The following FGFRL1 variants were observed in gnomAD, a reference collection of about 807,000 sequenced individuals.
The protein encoded by FGFRL1 is fibroblast growth factor receptor like 1, also known as fibroblast growth factor receptor-like 1.
FGFRL1 carries 24 observed loss-of-function variants against 36.8 expected under a neutral mutation model. That is an observed-to-expected ratio of 0.65 (90% CI 0.47 to 0.92). The LOEUF (loss-of-function observed/expected upper bound fraction) is 0.92. Ranked by LOEUF, FGFRL1 falls within the 40% of genes least tolerant of loss-of-function variation. FGFRL1 has a pLI of 0.00. For synonymous variants in FGFRL1, 422 were observed against 344.1 expected, an observed-to-expected ratio of 1.23 and a Z score of -2.50; for missense variants, 785 against 753.4, an observed-to-expected ratio of 1.04 and a Z score of -0.49.
Position 1,024,068 on chromosome 4 carries a change from G to T in FGFRL1, c.685G>T (p.Ala229Ser), listed in dbSNP as rs1429377807. The T allele has an allele frequency of 2.5e-6, 4 of 1,599,756 alleles. No individual in the cohort carries two copies. In the East Asian group the frequency reaches 9.0e-5, roughly 36 times the overall value. The change falls in exon 5 of 7, where the codon GCC (alanine) becomes TCC (serine). Residue 229 changes from alanine (A) to serine (S), a missense_variant. Physicochemically the swap from Ala to Ser is moderately conservative, Grantham distance 99. Transcript: ENST00000510644. ...CTGCCGCGTGTCGAACCGCGCGGGCGCCATCAACGCCACCTACAAGGTGGA... is the reference window on the plus strand; with the variant it reads ...CTGCCGCGTGTCGAACCGCGCGGGCTCCATCAACGCCACCTACAAGGTGGA... Reference protein sequence around the residue: ...YTCRVSNRAGAINATYKVDVI... With the variant: ...YTCRVSNRAGSINATYKVDVI...
At position 1,025,005 on chromosome 4, in the gene FGFRL1, G is replaced by A. The variant is rs962904426; in HGVS notation, c.1173G>A (p.Leu391=). 1.2e-6 allele frequency: 2 copies of A among 1,610,888 alleles called. No homozygotes were observed. Among genetic ancestry groups the A allele is most frequent in the Non-Finnish European group, 1.7e-6 (2 of 1,179,736 alleles). ...IGIPAGAVFI[L]GTLLLWLCQA... The stretch of plus-strand genomic sequence containing the variant: ...TCCCAGCCGGCGCTGTCTTCATCCT[G>A]GGCACCCTGCTCCTGTGGCTTTGCC... Residue 391 remains leucine, a synonymous_variant, in exon 7 of 7, where the codon CTG becomes CTA. Coordinates refer to ENST00000510644, the MANE Select transcript of FGFRL1 (RefSeq NM_001004356.3).
rs549539206 is a variant in FGFRL1, at chr4:1,018,592, G to T, written c.80-3611G>T. 3.5e-4 allele frequency among the ~76,000 whole-genome samples: 54 copies of T among 152,308 alleles called. No homozygotes were observed. In the South Asian group the frequency reaches 4.1e-3, roughly 12 times the overall value. On this transcript the variant is annotated intron_variant, in intron 2 of 6. Coordinates refer to ENST00000510644, the MANE Select transcript of FGFRL1 (RefSeq NM_001004356.3). Reference sequence around the variant, plus strand: ...GAGGAGGCTGGGGGGTGTCTTGGCAGGGTGCACGGCCCCGGAGGTGGCACA... The same window carrying T: ...GAGGAGGCTGGGGGGTGTCTTGGCATGGTGCACGGCCCCGGAGGTGGCACA...
At chr4:1,018,023 T>C (rs114958149) in intron 2 of FGFRL1, among the ~76,000 whole-genome samples, 2,799 of 152,246 alleles carry the variant, frequency 0.018, 35 homozygotes, top group Middle Eastern at 0.034. Context: ...AGAAGAGATA[T>C]TGGAGCCCCC....
Position 1,025,233 on chromosome 4 carries a change from C to T in FGFRL1, c.1401C>T (p.Gly467=), listed in dbSNP as rs1190244631. 1.2e-6 allele frequency: 2 copies of T among 1,608,860 alleles called. No homozygotes were observed. The highest frequency in any genetic ancestry group is 8.5e-7 in the Non-Finnish European group (1 of 1,178,240). ...TACTGGGCCCAGGCCCAGTTGCTGG[C>T]CCTAAGTTGTACCCCAAACTCTACA... The part of the protein sequence containing the change: ...QHLLGPGPVA[G]PKLYPKLYTD... The change falls in exon 7 of 7, where the codon GGC becomes GGT. Residue 467 remains glycine, a synonymous_variant. Coordinates refer to ENST00000510644, the MANE Select transcript of FGFRL1 (RefSeq NM_001004356.3).
chr4:1,012,367 C>T (rs1008098380), intron 1 of FGFRL1, 103 bp from the exon 2 acceptor site: 3 of 1,377,154 alleles, frequency 2.2e-6, no homozygotes, highest in African/African-American at 1.5e-5. Context: ...CGGGGAGGGC[C>T]TGTGGGGAGG....
rs994080706 is a variant in FGFRL1, at chr4:1,026,434, C to T, written c.*1087C>T. 6.2e-5 allele frequency: 10 copies of T among 160,330 alleles called. No individual in the cohort carries two copies. In the South Asian group the frequency reaches 1.6e-3, roughly 25 times the overall value. 9.9% of individuals were successfully genotyped at this position (160,330 alleles called of 1,614,324 possible). ...CTCCCCCAACTCTGCCCGCCTCTGT[C>T]CCCGCCTCAGTCCCCGCCTCCATCC... is the stretch of plus-strand genomic sequence containing the variant. On this transcript the variant is annotated 3_prime_UTR_variant, in exon 7 of 7. Coordinates refer to ENST00000510644, the MANE Select transcript of FGFRL1 (RefSeq NM_001004356.3).
chr4:1,024,746 G>T lies in FGFRL1; in HGVS notation c.1072+82G>T, dbSNP rs555086443. On this transcript the variant is annotated intron_variant, in intron 6 of 6. Transcript: ENST00000510644. ...CCCGGCGTCCCACCCACCGGGTGGG[G>T]CCCCACCCTTCCCTCCCGGGCCGTG... 8,151 of 1,454,982 alleles carry T rather than the reference G, an allele frequency of 5.6e-3. 49 individuals carry two copies. The highest frequency in any genetic ancestry group is 0.029 in the Middle Eastern group (154 of 5,272). The allele number at this position is 1,454,982 out of a possible 1,614,324, so 90.1% of individuals were successfully genotyped here.
chr4:1,012,498 C>A lies in FGFRL1; in HGVS notation c.13C>A (p.Pro5Thr). The A allele has an allele frequency of 6.4e-7, 1 of 1,572,130 alleles. No individual in the cohort carries two copies. The highest frequency in any genetic ancestry group is 1.1e-5 in the South Asian group (1 of 87,166). Residue 5 changes from proline to threonine, a missense_variant, in exon 2 of 7, where the codon CCC (proline) becomes ACC (threonine). By Grantham distance (38) the Pro-to-Thr change is conservative (BLOSUM62 -1). Transcript: ENST00000510644. ...CGGACAGGCCGAGATGACGCCGAGC[C>A]CCCTGTTGCTGCTCCTGCTGCCGCC... MTPS[P>T]LLLLLLPPLL...
intron 2 of FGFRL1, among the ~76,000 whole-genome samples, chr4:1,013,297 C>G (rs569327581): frequency 1.2e-3 from 177 of 152,386 alleles, no homozygotes; most frequent in Non-Finnish European, 1.2e-4. Flanking sequence ...CCGCCATGTT[C>G]CAGGATCCGG....
At position 1,023,598 on chromosome 4, in the gene FGFRL1, C is replaced by G. The variant is rs1487353907; in HGVS notation, c.353-43C>G. 2.0e-6 allele frequency: 3 copies of G among 1,534,170 alleles called. No individual in the cohort carries two copies. The highest frequency in any genetic ancestry group is 1.9e-5 in the Admixed American group (1 of 51,404). ...GGGGAGTTGGGGGAGCTCCTCAGGG[C>G]CCCCCTCACCTGCCCTCCCTGTGCA... On this transcript the variant is annotated intron_variant, in intron 3 of 6. Transcript: ENST00000510644. This position sits in a 1 kb window ranked among gnomAD's most constrained non-coding sequence, Gnocchi z 6.0.
At chr4:1,011,568 T>G (rs1414344398), upstream of FGFRL1, among the ~76,000 whole-genome samples, 1 of 127,234 alleles carries the variant, frequency 7.9e-6, no homozygotes, top group African/African-American at 3.0e-5. Flanking sequence ...CGCGCGCGGA[T>G]TGGCCGGAAG....
At position 1,023,437 on chromosome 4, in the gene FGFRL1, G is replaced by C. The variant is rs1235315137; in HGVS notation, c.353-204G>C. On this transcript the variant is annotated intron_variant, in intron 3 of 6. Transcript: ENST00000510644. This position sits in a 1 kb window ranked among gnomAD's most constrained non-coding sequence, Gnocchi z 6.0. Reference sequence around the variant, plus strand: ...CTCCAGCCCCACCCGTGCCCATCAGGGTCACCTGCGCCCAGTGTGGGCCAG... The same window carrying C: ...CTCCAGCCCCACCCGTGCCCATCAGCGTCACCTGCGCCCAGTGTGGGCCAG... Among the ~76,000 whole-genome samples, 1 of 152,208 alleles carries C rather than the reference G, an allele frequency of 6.6e-6. No individual in the cohort carries two copies. Among genetic ancestry groups the C allele is most frequent in the Non-Finnish European group, 1.5e-5 (1 of 68,018 alleles).
chr4:1,018,534 A>G (rs1027470889), intron 2 of FGFRL1, among the ~76,000 whole-genome samples: 6 of 151,984 alleles, frequency 3.9e-5, no homozygotes, highest in East Asian at 1.9e-4. Flanking sequence ...GGCTGTGGCT[A>G]AGTGTGTGTG....
intron 2 of FGFRL1, among the ~76,000 whole-genome samples, chr4:1,014,017 TCCGGA>T (rs1239644407): frequency 6.6e-6 from 1 of 152,206 alleles, no homozygotes; most frequent in Non-Finnish European, 1.5e-5. Context: ...AGGAGGTTCT[TCCGGA>T]CTGTGCTGAT....
At position 1,025,266 on chromosome 4, in the gene FGFRL1, CCACACACA is replaced by C. The variant is rs145808953; in HGVS notation, c.1448_1455del (p.His483LeufsTer66). 3.5e-6 allele frequency: 5 copies of C among 1,439,640 alleles called. No homozygotes were observed. Among genetic ancestry groups the C allele is most frequent in the South Asian group, 1.2e-5 (1 of 83,350 alleles). The allele number at this position is 1,439,640 out of a possible 1,614,324, so 89.2% of individuals were successfully genotyped here. A position where few individuals can be genotyped will look rare whatever the true frequency, so the allele number is the denominator to read the frequency against. ...TGTACCCCAAACTCTACACAGACATCCACACACACACACACACACACTCTCACACACAC... is the reference window on the plus strand; with the variant it reads ...TGTACCCCAAACTCTACACAGACATCCACACACACACACTCTCACACACAC... On this transcript the variant is annotated frameshift_variant, in exon 7 of 7. Transcript: ENST00000510644. LOFTEE classifies it high-confidence loss of function.
chr4:1,018,518 C>G (rs961196015), intron 2 of FGFRL1, among the ~76,000 whole-genome samples: 1 of 152,168 alleles, frequency 6.6e-6, no homozygotes, highest in Non-Finnish European at 1.5e-5. Context: ...GTGCTGGGGG[C>G]CTCTCGGCTG....
chr4:1,025,079 G>T lies in FGFRL1; in HGVS notation c.1247G>T (p.Gly416Val), dbSNP rs1161010645. The change falls in exon 7 of 7, where the codon GGG becomes GTG. Residue 416 changes from glycine to valine, a missense_variant. Physicochemically the swap from Gly to Val is moderately radical, Grantham distance 109. Coordinates refer to ENST00000510644, the MANE Select transcript of FGFRL1 (RefSeq NM_001004356.3). ...CCCGCGCCTGCCCCTCCCCTGCCTG[G>T]GCACCGCCCGCCGGGGACGGCCCGC... The part of the protein sequence containing the change: ...CTPAPAPPLP[G>V]HRPPGTARDR... 1 of 1,609,806 alleles carries T rather than the reference G, an allele frequency of 6.2e-7. No homozygotes were observed. The highest frequency in any genetic ancestry group is 1.3e-5 in the African/African-American group (1 of 74,958).
At chr4:1,016,875 A>G (rs929361299) in intron 2 of FGFRL1, among the ~76,000 whole-genome samples, 9 of 151,988 alleles carry the variant, frequency 5.9e-5, no homozygotes, top group Admixed American at 2.0e-4. Context: ...CTTCCTGAGG[A>G]GGGGACTGGG....
In FGFRL1 at chr4:1,024,410, A is replaced by G. The variant is rs1301385174; in HGVS notation, c.818A>G (p.Asp273Gly). The G allele has an allele frequency of 2.5e-6, 4 of 1,612,514 alleles. No individual in the cohort carries two copies. Among genetic ancestry groups the G allele is most frequent in the Non-Finnish European group, 3.4e-6 (4 of 1,179,876 alleles). Reference protein sequence around the residue: ...TTSFQCKVRSDVKPVIQWLKR... With the variant: ...TTSFQCKVRSGVKPVIQWLKR... ...TCCTTCCAGTGCAAGGTGCGCAGCG[A>G]CGTGAAGCCGGTGATCCAGTGGCTG... The change falls in exon 6 of 7, where the codon GAC (aspartate) becomes GGC (glycine). Residue 273 changes from aspartate to glycine, a missense_variant. Transcript: ENST00000510644.
Sources: gnomAD v4.1 joint callset for allele counts (sites outside exome capture counted in the v4.1 genomes callset) on GRCh38, gnomAD v4.1.1 for gene constraint, Gnocchi (gnomAD v3.1) non-coding constraint, MANE v1.5 for transcripts, NCBI Gene and HGNC (gene_info 2026-07-23, HGNC 2026-07-21) for gene names.